BEND6: variants seen among roughly 807,000 people sequenced by gnomAD.
BEND6 encodes BEN domain-containing protein 6.
Under a neutral mutation model 31.8 loss-of-function variants are expected in BEND6, and 24 were observed. That is an observed-to-expected ratio of 0.75 (90% CI 0.55 to 1.06). The LOEUF is 1.06. BEND6 is among the 50% of genes least tolerant of loss of function. BEND6 has a pLI of 0.00. For synonymous variants in BEND6, 109 were observed against 114.6 expected (o/e 0.95, Z 0.31); for missense variants, 294 against 327.4 (o/e 0.90, Z 0.79).
Position 57,017,295 on chromosome 6 carries a change from A to G in BEND6, c.608A>G (p.Asn203Ser), listed in dbSNP as rs1169652411. The G allele has an allele frequency of 6.5e-7, 1 of 1,532,328 alleles. No individual in the cohort carries two copies. Among genetic ancestry groups the G allele is most frequent in the Non-Finnish European group, 8.8e-7 (1 of 1,139,322 alleles). The allele number at this position is 1,532,328 out of a possible 1,614,324, so 94.9% of individuals were successfully genotyped here. A position where few individuals can be genotyped will look rare whatever the true frequency, so the allele number is the denominator to read the frequency against. ...INDLMQVLYT[N>S]EYMATHSLTG... is the part of the protein sequence containing the mutation. ...GATTTAATGCAAGTACTTTACACAAATGAATACATGGCCACTCACAGCCTG... is the reference window on the plus strand; with the variant it reads ...GATTTAATGCAAGTACTTTACACAAGTGAATACATGGCCACTCACAGCCTG... Residue 203 changes from asparagine to serine, a missense_variant, in exon 5 of 7, where the codon AAT becomes AGT. Physicochemically the swap from Asn to Ser is conservative, Grantham distance 46. Transcript: ENST00000370746.
chr6:56,998,613 C>T (rs1826813476), intron 3 of BEND6, among the ~76,000 whole-genome samples: 1 of 151,872 alleles, frequency 6.6e-6, no homozygotes, highest in Non-Finnish European at 1.5e-5. Context: ...TGTTTTTAGA[C>T]TCCAAAAAAA....
chr6:57,022,229 A>T (rs1268696803), intron 6 of BEND6, among the ~76,000 whole-genome samples: 1 of 131,388 alleles, frequency 7.6e-6, no homozygotes, highest in Admixed American at 8.3e-5. Context: ...AAATGTTTGT[A>T]GATTCAGGGG....
At chr6:57,004,867 G>A in intron 3 of BEND6, 1 of 627,190 alleles carries the variant, frequency 1.6e-6, no homozygotes, top group Non-Finnish European at 2.9e-6. Flanking sequence ...AAAGAAATTA[G>A]CCAGACATGG....
At chr6:57,017,435 T>A in intron 5 of BEND6, 36 bp downstream of exon 5, 3 of 1,287,166 alleles carry the variant, frequency 2.3e-6, no homozygotes, top group Non-Finnish European at 3.0e-6. Context: ...TCGTATGAAT[T>A]TTAAATCATG....
chr6:57,004,463 T>A, intron 3 of BEND6: 2 of 622,308 alleles, frequency 3.2e-6, no homozygotes, highest in Non-Finnish European at 5.9e-6. Context: ...CTCCGCTGCC[T>A]CCTCACCGCG....
At chr6:57,005,914 G>A (rs1398071645) in intron 3 of BEND6, among the ~76,000 whole-genome samples, 1 of 152,148 alleles carries the variant, frequency 6.6e-6, no homozygotes, top group Non-Finnish European at 1.5e-5. Flanking sequence ...TCAATATTTA[G>A]TCATATCAAG....
At chr6:56,987,618 G>A (rs1014597758) in intron 2 of BEND6, among the ~76,000 whole-genome samples, 8 of 152,314 alleles carry the variant, frequency 5.3e-5, no homozygotes, top group Admixed American at 5.2e-4. Context: ...GGCAAGAAGA[G>A]CAAAGACATT....
intron 3 of BEND6, among the ~76,000 whole-genome samples, chr6:57,011,894 G>C (rs1004429652): frequency 2.0e-5 from 3 of 151,942 alleles, no homozygotes; most frequent in Non-Finnish European, 4.4e-5. Flanking sequence ...GGGAGGCCGA[G>C]GTGGGCAGAT....
chr6:56,977,370 C>A (rs1256269294), intron 1 of BEND6, among the ~76,000 whole-genome samples: 1 of 151,802 alleles, frequency 6.6e-6, no homozygotes, highest in Non-Finnish European at 1.5e-5. Context: ...CTATAAATAG[C>A]CTTTGTGAAA....
At chr6:56,995,225 A>C (rs1259359041) in intron 3 of BEND6, among the ~76,000 whole-genome samples, 1 of 151,562 alleles carries the variant, frequency 6.6e-6, no homozygotes, top group Non-Finnish European at 1.5e-5. Flanking sequence ...TCCCATTTAA[A>C]AAAAAAAAAA....
At chr6:56,965,770 A>G (rs1825457546) in intron 1 of BEND6, among the ~76,000 whole-genome samples, 1 of 151,016 alleles carries the variant, frequency 6.6e-6, no homozygotes, top group Admixed American at 6.6e-5. Flanking sequence ...TTTTCATATT[A>G]TAATTGATTA....
intron 2 of BEND6, among the ~76,000 whole-genome samples, chr6:56,983,237 A>G (rs1182830107): frequency 6.6e-6 from 1 of 152,248 alleles, no homozygotes; most frequent in Non-Finnish European, 1.5e-5. Flanking sequence ...GATAGTAAGA[A>G]GGTTACTATA....
At chr6:57,016,933 C>T (rs960845201) in intron 4 of BEND6, among the ~76,000 whole-genome samples, 3 of 151,962 alleles carry the variant, frequency 2.0e-5, no homozygotes, top group African/African-American at 7.3e-5. Flanking sequence ...CCTGAAAGGA[C>T]CAAATCCAGT....
chr6:56,965,676 T>TTATATATATATATATATA (rs35074783), intron 1 of BEND6, among the ~76,000 whole-genome samples: 3 of 136,562 alleles, frequency 2.2e-5, no homozygotes, highest in Admixed American at 7.4e-5. Context: ...ACAAAAAAAT[T>TTATATATATATATATATA]TATATATATA....
chr6:56,994,198 G>A (rs533198711), intron 3 of BEND6, among the ~76,000 whole-genome samples: 2 of 151,942 alleles, frequency 1.3e-5, no homozygotes, highest in African/African-American at 2.4e-5. Context: ...AGTGGCTCAC[G>A]CCTGTAATTC....
At chr6:57,001,155 CT>C (rs33918532) in intron 3 of BEND6, among the ~76,000 whole-genome samples, 76,250 of 117,950 alleles carry the variant, frequency 0.65, 23,716 homozygotes, top group South Asian at 0.83. Context: ...AAGAAAAAGT[CT>C]TTTTTTTTTT....
At chr6:56,994,188 A>C (rs1255883609) in intron 3 of BEND6, among the ~76,000 whole-genome samples, 2 of 151,818 alleles carry the variant, frequency 1.3e-5, no homozygotes, top group African/African-American at 2.4e-5. Flanking sequence ...GGCCGGGCGC[A>C]GTGGCTCACG....
chr6:56,966,136 C>G (rs1029325592), intron 1 of BEND6, among the ~76,000 whole-genome samples: 1 of 152,100 alleles, frequency 6.6e-6, no homozygotes, highest in African/African-American at 2.4e-5. Context: ...GAGTCTTGCT[C>G]TGTCACCCAG....
In BEND6 at chr6:57,001,181, G is replaced by A. The variant is rs527925305; in HGVS notation, c.298+8626G>A. 1.3e-4 allele frequency among the ~76,000 whole-genome samples: 19 copies of A among 147,716 alleles called. No individual in the cohort carries two copies. In the East Asian group the frequency reaches 3.5e-3, roughly 27 times the overall value. The stretch of plus-strand genomic sequence containing the variant: ...TTTTTTTTTTTTTTTTTGGAGACAG[G>A]GTCTCAGGGTCTTGCTCTGTTGCCC... On this transcript the variant is annotated intron_variant, in intron 3 of 6. Coordinates refer to ENST00000370746, the MANE Select transcript of BEND6 (RefSeq NM_152731.3).
Sources: allele counts gnomAD v4.1 joint callset (sites outside exome capture counted in the v4.1 genomes callset), GRCh38; gene constraint gnomAD v4.1.1; transcripts MANE v1.5; gene names NCBI Gene and HGNC (gene_info 2026-07-23, HGNC 2026-07-21).